Variants in VRK2 observed in about 807,000 individuals in gnomAD.
VRK2 encodes the protein VRK serine/threonine kinase 2.
A neutral mutation model predicts 57.6 loss-of-function variants in VRK2; 60 were observed. The ratio of observed to expected loss-of-function variants is 1.04; its 90% CI spans 0.85 to 1.29. The LOEUF (loss-of-function observed/expected upper bound fraction) is 1.29. Ranked by LOEUF, VRK2 falls within the 50% of genes most tolerant of loss-of-function variation. The pLI is 0.00. For missense variants in VRK2, 705 were observed against 588.1 expected, an observed-to-expected ratio of 1.20 and a Z score of -2.06; for synonymous variants, 231 against 199.2, an observed-to-expected ratio of 1.16 and a Z score of -1.35.
intron 7 of VRK2, among the ~76,000 whole-genome samples, chr2:58,115,303 A>G (rs919860197): frequency 5.3e-5 from 8 of 152,152 alleles, no homozygotes; most frequent in Non-Finnish European, 1.2e-4. Flanking sequence ...GTGGGAGGCC[A>G]GATTGAAGTC....
At chr2:57,957,473 G>A (rs562493827) in intron 1 of VRK2, among the ~76,000 whole-genome samples, 12 of 151,744 alleles carry the variant, frequency 7.9e-5, no homozygotes, top group Admixed American at 4.6e-4. Context: ...CAGTGATTAC[G>A]CAATAAAGTG....
intron 2 of VRK2, among the ~76,000 whole-genome samples, chr2:58,030,329 T>A (rs1465840615): frequency 9.2e-5 from 14 of 152,144 alleles, no homozygotes; most frequent in Admixed American, 9.2e-4. Flanking sequence ...AATATCATTT[T>A]TAAATGTCCT....
upstream of VRK2, among the ~76,000 whole-genome samples, chr2:58,044,432 T>C (rs1034846928): frequency 6.6e-6 from 1 of 152,224 alleles, no homozygotes; most frequent in African/African-American, 2.4e-5. Context: ...CCATATCCTT[T>C]CTAGGGGTTG....
intron 1 of VRK2, among the ~76,000 whole-genome samples, chr2:57,971,073 G>A (rs899195928): frequency 1.3e-5 from 2 of 151,774 alleles, no homozygotes; most frequent in African/African-American, 4.8e-5. Flanking sequence ...TTAGCATTGG[G>A]GTGCCCAGTT....
intron 9 of VRK2, among the ~76,000 whole-genome samples, chr2:58,132,664 C>G (rs1329333308): frequency 6.6e-6 from 1 of 152,090 alleles, no homozygotes; most frequent in Admixed American, 6.6e-5. Flanking sequence ...AAAGCAGCAG[C>G]TAAGCTAAGT....
chr2:58,016,959 T>A (rs972991595), intron 1 of VRK2, among the ~76,000 whole-genome samples: 1 of 152,164 alleles, frequency 6.6e-6, no homozygotes, highest in Non-Finnish European at 1.5e-5. Flanking sequence ...GGAGTTGACA[T>A]GAGAACAACA....
chr2:58,083,993 A>ATATGTAAGTTTAT, intron 2 of VRK2, 96 bp from the exon 3 acceptor site: 1 of 1,299,052 alleles, frequency 7.7e-7, no homozygotes, highest in Non-Finnish European at 1.0e-6. Flanking sequence ...ATAAACTTAC[A>ATATGTAAGTTTAT]TATGTAAAAT....
intron 1 of VRK2, among the ~76,000 whole-genome samples, chr2:57,969,299 A>G (rs1672020090): frequency 6.6e-6 from 1 of 152,128 alleles, no homozygotes; most frequent in South Asian, 2.1e-4. Flanking sequence ...TTCCATTTGA[A>G]GAAATCAAGT....
chr2:57,918,840 C>T (rs1670240567), intron 1 of VRK2, among the ~76,000 whole-genome samples: 1 of 152,094 alleles, frequency 6.6e-6, no homozygotes, highest in Admixed American at 6.6e-5. Flanking sequence ...TGAGCCCAGT[C>T]TAATCCTGAT....
At chr2:57,939,695 T>A (rs1671031129) in intron 1 of VRK2, among the ~76,000 whole-genome samples, 1 of 152,222 alleles carries the variant, frequency 6.6e-6, no homozygotes, top group East Asian at 1.9e-4. Flanking sequence ...CAGCAAAAAG[T>A]GTATCAGTTA....
intron 2 of VRK2, among the ~76,000 whole-genome samples, chr2:58,032,168 G>T (rs1342240279): frequency 6.6e-6 from 1 of 152,106 alleles, no homozygotes; most frequent in Non-Finnish European, 1.5e-5. Flanking sequence ...AGACAGAAAA[G>T]AAGCTATGTG....
chr2:57,931,299 C>T (rs1431617170), intron 1 of VRK2, among the ~76,000 whole-genome samples: 1 of 151,972 alleles, frequency 6.6e-6, no homozygotes, highest in African/African-American at 2.4e-5. Context: ...TGGCTGTTAT[C>T]TTCTAAATTT....
intron 1 of VRK2, among the ~76,000 whole-genome samples, chr2:57,953,190 C>T (rs1671480823): frequency 1.3e-5 from 2 of 152,166 alleles, no homozygotes; most frequent in Admixed American, 1.3e-4. Flanking sequence ...TCTCTGTTGC[C>T]AGCTTTGACC....
At chr2:58,018,528 T>C (rs753986074) in intron 1 of VRK2, among the ~76,000 whole-genome samples, 7 of 152,212 alleles carry the variant, frequency 4.6e-5, no homozygotes, top group Non-Finnish European at 7.3e-5. Context: ...TTAAAATTTA[T>C]AAATGTAATG....
At chr2:58,136,652 TG>T (rs1305581313) in intron 10 of VRK2, among the ~76,000 whole-genome samples, 1 of 151,696 alleles carries the variant, frequency 6.6e-6, no homozygotes, top group Non-Finnish European at 1.5e-5. Flanking sequence ...CCCAAAGTGC[TG>T]GGATTACAGG....
chr2:58,046,055 G>C (rs1033261170), upstream of VRK2, among the ~76,000 whole-genome samples: 2 of 152,128 alleles, frequency 1.3e-5, no homozygotes, highest in African/African-American at 2.4e-5. Flanking sequence ...ATGTTGGCCA[G>C]GCTGGTCTCA....
chr2:58,116,443 A>G lies in VRK2; in HGVS notation c.544-6658A>G, dbSNP rs376801433. ...ATAACTAAAAAAGAGTGCTTAAAAG[A>G]GTATTGTCTAAGTTGGCACCAGAGT... On this transcript the variant is annotated intron_variant, in intron 7 of 12. Transcript: ENST00000340157. Among the ~76,000 whole-genome samples, 416 of 152,062 alleles carry G rather than the reference A, an allele frequency of 2.7e-3. 16 individuals are homozygous for G. In the East Asian group the frequency reaches 0.072, roughly 26 times the overall value.
At chr2:57,922,775 TA>T (rs757557208) in intron 1 of VRK2, among the ~76,000 whole-genome samples, 26 of 151,884 alleles carry the variant, frequency 1.7e-4, no homozygotes, top group Non-Finnish European at 3.1e-4. Flanking sequence ...TAGTTATTTT[TA>T]ATACATAATA....
intron 1 of VRK2, among the ~76,000 whole-genome samples, chr2:58,008,680 T>C (rs1673328486): frequency 6.6e-6 from 1 of 151,764 alleles, no homozygotes; most frequent in Non-Finnish European, 1.5e-5. Context: ...AAGCAGATAA[T>C]AAAATATAAA....
Sources: allele counts gnomAD v4.1 joint callset (sites outside exome capture counted in the v4.1 genomes callset), GRCh38; gene constraint gnomAD v4.1.1; transcripts MANE v1.5; gene names NCBI Gene and HGNC (gene_info 2026-07-23, HGNC 2026-07-21).